Variants in ALDH1L1 observed in about 807,000 individuals in gnomAD.
ALDH1L1 encodes aldehyde dehydrogenase 1 family member L1, also known as cytosolic 10-formyltetrahydrofolate dehydrogenase.
In ALDH1L1, 68 loss-of-function variants were observed where a neutral mutation model predicts 101.1. The ratio of observed to expected loss-of-function variants is 0.67; its 90% CI spans 0.55 to 0.82. The LOEUF (loss-of-function observed/expected upper bound fraction) is 0.82. Ranked by LOEUF, ALDH1L1 falls within the 40% of genes least tolerant of loss-of-function variation. The probability of loss-of-function intolerance (pLI) is 0.00; values close to 1 mark genes in which losing one functional copy is unlikely to be tolerated. For synonymous variants in ALDH1L1, 486 were observed against 470.8 expected, an observed-to-expected ratio of 1.03 and a Z score of -0.42; for missense variants, 1,087 against 1,172.7, an observed-to-expected ratio of 0.93 and a Z score of 1.07.
intron 1 of ALDH1L1, among the ~76,000 whole-genome samples, chr3:126,172,930 G>A (rs2081308782): frequency 6.6e-6 from 1 of 151,900 alleles, no homozygotes; most frequent in Non-Finnish European, 1.5e-5. Context: ...CATGCAATCA[G>A]GAATAGAATA....
chr3:126,105,750 G>A lies in ALDH1L1; in HGVS notation c.2629C>T (p.Gln877Ter). The change falls in exon 22 of 23, where the codon CAG becomes TAG. Residue 877 changes from glutamine (Q) to a stop codon, truncating the protein, a stop_gained. Transcript: ENST00000393434. LOFTEE classifies it high-confidence loss of function. ...DVAAPFGGFK[Q>*]SGFGKDLGEA... Reference sequence around the variant, plus strand: ...CCTAGATCTTTGCCAAATCCAGACTGTTTGAATCCTCCGAAGGGAGCGGCC... The same window carrying A: ...CCTAGATCTTTGCCAAATCCAGACTATTTGAATCCTCCGAAGGGAGCGGCC... 1 of 1,614,234 alleles carries A rather than the reference G, an allele frequency of 6.2e-7. No individual in the cohort carries two copies. Among genetic ancestry groups the A allele is most frequent in the Non-Finnish European group, 8.5e-7 (1 of 1,180,044 alleles).
At chr3:126,157,305 T>A in intron 4 of ALDH1L1, 38 bp downstream of exon 4, 1 of 1,586,512 alleles carries the variant, frequency 6.3e-7, no homozygotes, top group Non-Finnish European at 8.6e-7. Flanking sequence ...TGAGGGTGCG[T>A]CGGGGCGGGC....
chr3:126,187,764 A>G (rs1023374180), intron 1 of ALDH1L1, among the ~76,000 whole-genome samples: 2 of 152,110 alleles, frequency 1.3e-5, no homozygotes, highest in African/African-American at 4.8e-5. Context: ...GGAAACTATC[A>G]AGGGCCCTTT....
At chr3:126,114,793 T>TCCCC in intron 17 of ALDH1L1, 137 bp from the exon 18 acceptor site, 16 of 595,630 alleles carry the variant, frequency 2.7e-5, no homozygotes, top group Non-Finnish European at 3.4e-5. Context: ...GCCTCCCCAC[T>TCCCC]CCCCCCCACC....
Position 126,109,924 on chromosome 3 carries a change from C to CCTGA in ALDH1L1, c.2347+16_2347+19dup, listed in dbSNP as rs747332355. 20 of 1,612,538 alleles carry CCTGA rather than the reference C, an allele frequency of 1.2e-5. No individual in the cohort carries two copies. Among genetic ancestry groups the CCTGA allele is most frequent in the Non-Finnish European group, 1.5e-5 (18 of 1,179,668 alleles). ...TGCTGCCTCAATTGACCCAAGCGGA[C>CCTGA]CTGACACACTCTGACTCACCTGGCC... On this transcript the variant is annotated intron_variant, in intron 20 of 22. Transcript: ENST00000393434.
chr3:126,136,931 G>A, intron 10 of ALDH1L1, 48 bp from the exon 11 acceptor site: 3 of 1,610,070 alleles, frequency 1.9e-6, no homozygotes, highest in Middle Eastern at 1.7e-4. Flanking sequence ...CAGGGTGCAG[G>A]AAGCATACAC....
At chr3:126,154,359 T>C (rs979407609) in intron 6 of ALDH1L1, among the ~76,000 whole-genome samples, 195 bp downstream of exon 6, 6 of 152,212 alleles carry the variant, frequency 3.9e-5, no homozygotes, top group African/African-American at 1.2e-4. Context: ...AGGACATCTA[T>C]CCTTTAGCTA....
Position 126,155,901 on chromosome 3 carries a change from A to G in ALDH1L1, c.529-398T>C, listed in dbSNP as rs992580805. ...GAAGGTGGAAGTTTGGAGGTCTGAG[A>G]TGAAGCAGGAAGTTGTTTCTCTGTG... On this transcript the variant is annotated intron_variant, in intron 4 of 22. Transcript: ENST00000393434. 4.5e-5 allele frequency: 7 copies of G among 154,570 alleles called. No individual in the cohort carries two copies. The South Asian group carries it at 6.1e-4, about 14-fold the overall frequency. The allele number at this position is 154,570 out of a possible 1,614,324, so 9.6% of individuals were successfully genotyped here.
At chr3:126,185,324 G>T (rs887236414), upstream of ALDH1L1, among the ~76,000 whole-genome samples, 6 of 152,212 alleles carry the variant, frequency 3.9e-5, no homozygotes, top group Non-Finnish European at 8.8e-5. Flanking sequence ...TCACTGTAAA[G>T]GAATAAATGA....
At chr3:126,180,664 G>A (rs1483592086), upstream of ALDH1L1, 35 of 1,344,494 alleles carry the variant, frequency 2.6e-5, no homozygotes, top group Middle Eastern at 2.8e-4. Context: ...AGTCAGCCGA[G>A]TGGGGGCGGC....
intron 1 of ALDH1L1, among the ~76,000 whole-genome samples, chr3:126,163,304 C>T (rs1381965201): frequency 6.6e-6 from 1 of 152,202 alleles, no homozygotes; most frequent in Non-Finnish European, 1.5e-5. Context: ...GTTGTATTAA[C>T]TAGCACCTTA....
chr3:126,110,866 A>G (rs1320548690), intron 19 of ALDH1L1, among the ~76,000 whole-genome samples: 5 of 152,206 alleles, frequency 3.3e-5, no homozygotes, highest in Non-Finnish European at 5.9e-5. Flanking sequence ...AAGAACAAGC[A>G]GCCTACTGAG....
chr3:126,134,806 A>C (rs1576442481), intron 12 of ALDH1L1, among the ~76,000 whole-genome samples: 1 of 152,288 alleles, frequency 6.6e-6, no homozygotes, highest in African/African-American at 2.4e-5. Flanking sequence ...GACCCCAGCG[A>C]AAGAGCCAGG....
chr3:126,124,682 G>A (rs2080145638), intron 15 of ALDH1L1, among the ~76,000 whole-genome samples: 1 of 152,198 alleles, frequency 6.6e-6, no homozygotes, highest in Non-Finnish European at 1.5e-5. Flanking sequence ...TGGTGCCCTA[G>A]CTTCTCCTCC....
At chr3:126,120,813 C>A (rs78552734) in intron 16 of ALDH1L1, among the ~76,000 whole-genome samples, 1 of 152,106 alleles carries the variant, frequency 6.6e-6, no homozygotes, top group African/African-American at 2.4e-5. Flanking sequence ...AATAACAACA[C>A]TCTCTTAGGC....
At chr3:126,130,117 T>A in intron 14 of ALDH1L1, 106 bp downstream of exon 14, 1 of 1,056,408 alleles carries the variant, frequency 9.5e-7, no homozygotes, top group Non-Finnish European at 1.3e-6. Flanking sequence ...GGCTGTTTGA[T>A]AAATGCACGC....
intron 1 of ALDH1L1, among the ~76,000 whole-genome samples, chr3:126,168,181 A>G (rs2081204596): frequency 6.6e-6 from 1 of 152,184 alleles, no homozygotes; most frequent in Admixed American, 6.5e-5. Flanking sequence ...TCTGCAAATA[A>G]AACTCTTGTG....
upstream of ALDH1L1, among the ~76,000 whole-genome samples, chr3:126,184,621 C>T (rs1284515306): frequency 6.6e-6 from 1 of 152,174 alleles, no homozygotes; most frequent in Non-Finnish European, 1.5e-5. Context: ...ACTTACACAG[C>T]CCAAGTCTGG....
chr3:126,122,512 G>T (rs1344510515), intron 16 of ALDH1L1, among the ~76,000 whole-genome samples: 1 of 152,160 alleles, frequency 6.6e-6, no homozygotes, highest in Admixed American at 6.5e-5. Context: ...ACCAGAACTT[G>T]TGAGTCAGAT....
Sources: allele counts gnomAD v4.1 joint callset (sites outside exome capture counted in the v4.1 genomes callset), GRCh38; gene constraint gnomAD v4.1.1; transcripts MANE v1.5; gene names NCBI Gene and HGNC (gene_info 2026-07-23, HGNC 2026-07-21).